The following NAV3 variants were observed in gnomAD, a reference collection of about 807,000 sequenced individuals.
NAV3 encodes the protein neuron navigator 3.
Under a neutral mutation model 244.7 loss-of-function variants are expected in NAV3, and 87 were observed. The ratio of observed to expected loss-of-function variants is 0.36; its 90% CI spans 0.30 to 0.42. NAV3 has a LOEUF of 0.42. NAV3 is among the 20% of genes least tolerant of loss of function. NAV3 has a pLI of 1.00. For missense variants in NAV3, 2,663 were observed against 2,893.3 expected (o/e 0.92, Z 1.83); for synonymous variants, 1,126 against 1,042.2 (o/e 1.08, Z -1.55).
At chr12:77,671,162 A>G (rs895184862) in intron 2 of NAV3, among the ~76,000 whole-genome samples, 6 of 152,156 alleles carry the variant, frequency 3.9e-5, no homozygotes, top group African/African-American at 1.2e-4. Flanking sequence ...CTGAGAATCA[A>G]ATAAGGAACT....
At chr12:77,920,148 T>C (rs1320762596) in intron 1 of NAV3, among the ~76,000 whole-genome samples, 3 of 152,024 alleles carry the variant, frequency 2.0e-5, no homozygotes, top group African/African-American at 7.2e-5. Context: ...TTAGTATCTT[T>C]AAATAGTAGT....
intron 2 of NAV3, among the ~76,000 whole-genome samples, chr12:77,671,129 A>G (rs1873952463): frequency 6.6e-6 from 1 of 152,082 alleles, no homozygotes. Context: ...TCATAGCTCC[A>G]CTATACACCA....
At chr12:77,943,254 A>T (rs1890042428) in intron 3 of NAV3, among the ~76,000 whole-genome samples, 1 of 152,160 alleles carries the variant, frequency 6.6e-6, no homozygotes, top group African/African-American at 2.4e-5. Context: ...TACAGATATT[A>T]TGCAAGTTAT....
chr12:78,045,196 T>G (rs1397260578), intron 9 of NAV3, among the ~76,000 whole-genome samples: 1 of 152,220 alleles, frequency 6.6e-6, no homozygotes, highest in Non-Finnish European at 1.5e-5. Context: ...TCATGTGGTT[T>G]TTGCAATTGG....
At chr12:78,025,244 C>T (rs1877825329) in intron 9 of NAV3, among the ~76,000 whole-genome samples, 1 of 151,998 alleles carries the variant, frequency 6.6e-6, no homozygotes, top group Non-Finnish European at 1.5e-5. Flanking sequence ...AAGAAGGTTT[C>T]TTCCTTGGTG....
chr12:77,928,677 A>C (rs1386793657), intron 1 of NAV3, among the ~76,000 whole-genome samples: 31 of 152,226 alleles, frequency 2.0e-4, no homozygotes, highest in Non-Finnish European at 1.5e-5. Flanking sequence ...AAATCAGAAC[A>C]TACTGTAGTT....
intron 9 of NAV3, among the ~76,000 whole-genome samples, chr12:78,035,197 T>C (rs999365607): frequency 2.6e-5 from 4 of 152,186 alleles, no homozygotes; most frequent in African/African-American, 9.6e-5. Context: ...TCTATTGAGA[T>C]TGGCAATAGG....
At chr12:77,740,318 A>G (rs1038754814) in intron 2 of NAV3, among the ~76,000 whole-genome samples, 10 of 152,198 alleles carry the variant, frequency 6.6e-5, no homozygotes, top group Non-Finnish European at 1.2e-4. Flanking sequence ...GGTATGGAGT[A>G]TCAGAATGCT....
At chr12:77,573,191 A>G (rs1462928063) in intron 2 of NAV3, among the ~76,000 whole-genome samples, 1 of 152,202 alleles carries the variant, frequency 6.6e-6, no homozygotes, top group African/African-American at 2.4e-5. Context: ...CATCAGTCTT[A>G]GAAATTTTGT....
intron 2 of NAV3, among the ~76,000 whole-genome samples, chr12:77,665,347 T>G (rs1180773181): frequency 6.6e-6 from 1 of 152,194 alleles, no homozygotes; most frequent in East Asian, 1.9e-4. Flanking sequence ...AACTCCATAA[T>G]TATATTTAGC....
At chr12:77,989,791 C>T (rs570693036) in intron 5 of NAV3, among the ~76,000 whole-genome samples, 1 of 152,210 alleles carries the variant, frequency 6.6e-6, no homozygotes, top group Admixed American at 6.5e-5. Context: ...ACATACTAAG[C>T]ATTTGTGGCA....
chr12:77,721,659 G>T (rs1336968789), intron 2 of NAV3, among the ~76,000 whole-genome samples: 1 of 152,006 alleles, frequency 6.6e-6, no homozygotes, highest in African/African-American at 2.4e-5. Context: ...TATTTTTTAT[G>T]TTGAGATAAC....
intron 1 of NAV3, among the ~76,000 whole-genome samples, chr12:77,908,079 G>A (rs917256953): frequency 6.6e-6 from 1 of 152,022 alleles, no homozygotes; most frequent in African/African-American, 2.4e-5. Context: ...GTTTACAGTG[G>A]TTTTTAGCAT....
intron 1 of NAV3, among the ~76,000 whole-genome samples, chr12:77,889,870 T>A (rs1178692433): frequency 6.6e-6 from 1 of 152,196 alleles, no homozygotes; most frequent in Non-Finnish European, 1.5e-5. Flanking sequence ...CTGGTATATT[T>A]TTCAGGGTAT....
chr12:77,660,193 A>G (rs1873368825), intron 2 of NAV3, among the ~76,000 whole-genome samples: 1 of 152,192 alleles, frequency 6.6e-6, no homozygotes, highest in African/African-American at 2.4e-5. Context: ...GAAATTACTT[A>G]TAGTGGGTGG....
intron 1 of NAV3, among the ~76,000 whole-genome samples, chr12:77,934,394 C>A (rs971815385): frequency 3.3e-5 from 5 of 151,870 alleles, no homozygotes; most frequent in Non-Finnish European, 7.4e-5. Context: ...CCATATGGCT[C>A]TTGGGAAATT....
chr12:78,024,817 T>C (rs867847529), intron 9 of NAV3, among the ~76,000 whole-genome samples: 8 of 151,838 alleles, frequency 5.3e-5, no homozygotes, highest in South Asian at 2.1e-4. Flanking sequence ...CTACTAAAAA[T>C]ACAAAAAAAT....
chr12:77,979,893 G>A (rs1432901868), intron 5 of NAV3, among the ~76,000 whole-genome samples: 1 of 152,000 alleles, frequency 6.6e-6, no homozygotes, highest in African/African-American at 2.4e-5. Context: ...AACGAGTATT[G>A]CCAGAGAAAA....
chr12:77,815,516 C>T (rs1273773794), intron 2 of NAV3, among the ~76,000 whole-genome samples: 2 of 152,066 alleles, frequency 1.3e-5, no homozygotes, highest in African/African-American at 4.8e-5. Context: ...TATGATTAAA[C>T]AAATTAAATA....
Sources: allele counts gnomAD v4.1 joint callset (sites outside exome capture counted in the v4.1 genomes callset), GRCh38; gene constraint gnomAD v4.1.1; transcripts MANE v1.5; gene names NCBI Gene and HGNC (gene_info 2026-07-23, HGNC 2026-07-21).